Variants in LPA observed in about 807,000 individuals in gnomAD.
LPA encodes apolipoprotein(a).
LPA carries 199 observed loss-of-function variants against 197.9 expected under a neutral mutation model. The ratio of observed to expected loss-of-function variants is 1.01; its 90% CI spans 0.90 to 1.13. The LOEUF is 1.13. LPA is among the 50% of genes most tolerant of loss of function. The pLI is 0.00. For missense variants in LPA, 1,853 were observed against 1,785.8 expected, an observed-to-expected ratio of 1.04 and a Z score of -0.68; for synonymous variants, 715 against 639.5, an observed-to-expected ratio of 1.12 and a Z score of -1.78.
intron 20 of LPA, 122 bp downstream of exon 20, chr6:160,599,377 AC>A: frequency 7.0e-7 from 1 of 1,434,458 alleles, no homozygotes. Context: ...ACTTTTGCTC[AC>A]AGGAAATGTT....
rs557039318 is a variant in LPA, at chr6:160,599,537, G to A, written c.3250C>T (p.His1084Tyr). The change falls in exon 20 of 39, where the codon CAC becomes TAC. Residue 1084 changes from histidine (H) to tyrosine (Y), a missense_variant. His to Tyr is a moderately conservative substitution (Grantham distance 83, BLOSUM62 2). Coordinates refer to ENST00000316300, the MANE Select transcript of LPA (RefSeq NM_005577.4). ...TCQAWSSMTP[H>Y]QHSRTPENYP... is the part of the protein sequence containing the mutation. ...TTTTCTGGGGTCCGACTATGCTGGT[G>A]TGGTGTCATAGATGACCAAGCTTGG... 1.1e-5 allele frequency: 18 copies of A among 1,614,062 alleles called. No homozygotes were observed. The highest frequency in any genetic ancestry group is 1.4e-5 in the Non-Finnish European group (16 of 1,179,974).
intron 30 of LPA, among the ~76,000 whole-genome samples, chr6:160,552,709 G>T (rs1180088550): frequency 6.6e-6 from 1 of 151,844 alleles, no homozygotes; most frequent in Non-Finnish European, 1.5e-5. Flanking sequence ...TTCATATTTT[G>T]GTGTTTAAAG....
At chr6:160,598,228 T>C (rs146139793) in intron 20 of LPA, among the ~76,000 whole-genome samples, 133 of 152,342 alleles carry the variant, frequency 8.7e-4, no homozygotes, top group African/African-American at 3.2e-3. Flanking sequence ...CCATATTTTC[T>C]TGTGGAAAAT....
chr6:160,593,896 G>T (rs1779079222), intron 22 of LPA, 62 bp downstream of exon 22: 1 of 1,572,596 alleles, frequency 6.4e-7, no homozygotes, highest in Non-Finnish European at 8.7e-7. Context: ...TGGAAGCATG[G>T]CCCTTCCAAG....
At position 160,547,793 on chromosome 6, in the gene LPA, T is replaced by A. The variant is rs956096505; in HGVS notation, c.5300A>T (p.Lys1767Ile). 1.2e-6 allele frequency: 2 copies of A among 1,614,042 alleles called. No homozygotes were observed. The highest frequency in any genetic ancestry group is 1.7e-6 in the Non-Finnish European group (2 of 1,180,010). The change falls in exon 32 of 39, where the codon AAA (lysine) becomes ATA (isoleucine). Residue 1767 changes from lysine (K) to isoleucine (I), a missense_variant. Physicochemically the swap from Lys to Ile is moderately radical, Grantham distance 102. Around this residue, in one of 3 missense-constraint regions of LPA, gnomAD observed 1,737 missense variants for 1,504.4 expected, o/e 1.15. Transcript: ENST00000316300. Reference sequence around the variant, plus strand: ...GTCCAAATCAAAGTGGCTTACATTTTTTTCCAGACCTGCCCATTTATTTGT... The same window carrying A: ...GTCCAAATCAAAGTGGCTTACATTTATTTCCAGACCTGCCCATTTATTTGT... ...PGTNKWAGLE[K>I]NYCRNPDGDI...
chr6:160,547,688 G>T (rs188065290), intron 32 of LPA, 101 bp downstream of exon 32: 2 of 1,516,396 alleles, frequency 1.3e-6, no homozygotes, highest in African/African-American at 1.4e-5. Context: ...GGCTAATTAC[G>T]CTTAGCCTCC....
chr6:160,561,392 T>C (rs1171363664), intron 28 of LPA, among the ~76,000 whole-genome samples: 1 of 152,228 alleles, frequency 6.6e-6, no homozygotes, highest in Non-Finnish European at 1.5e-5. Context: ...TGTGGTGTTA[T>C]TTCTGAGGCC....
intron 25 of LPA, among the ~76,000 whole-genome samples, chr6:160,585,868 G>A (rs573268258): frequency 6.6e-6 from 1 of 152,178 alleles, no homozygotes; most frequent in African/African-American, 2.4e-5. Context: ...TGAGAAGCAG[G>A]GATGAGAACA....
In LPA at chr6:160,650,392, C is replaced by T. The variant is rs751841836; in HGVS notation, c.155G>A (p.Trp52Ter). Residue 52 changes from tryptophan to a stop codon, truncating the protein, a stop_gained, in exon 2 of 39, where the codon TGG becomes TAG. Coordinates refer to ENST00000316300, the MANE Select transcript of LPA (RefSeq NM_005577.4). LOFTEE classifies it high-confidence loss of function. ...ATGTTGATGTGGTGTCATAGATGACCAAGCTTGGCAGGTCCTTCCTGTGAC... is the reference window on the plus strand; with the variant it reads ...ATGTTGATGTGGTGTCATAGATGACTAAGCTTGGCAGGTCCTTCCTGTGAC... ...TTVTGRTCQA[W>*]SSMTPHQHNR... 9.9e-6 allele frequency: 16 copies of T among 1,613,888 alleles called. No individual in the cohort carries two copies. In the South Asian group the frequency reaches 1.2e-4, roughly 12 times the overall value.
At chr6:160,574,526 G>C (rs1338849473) in intron 28 of LPA, among the ~76,000 whole-genome samples, 1 of 152,110 alleles carries the variant, frequency 6.6e-6, no homozygotes, top group South Asian at 2.1e-4. Flanking sequence ...TCTCTGTGGT[G>C]CCAGGCAGGA....
intron 16 of LPA, among the ~76,000 whole-genome samples, chr6:160,607,455 C>T (rs183176905): frequency 1.3e-5 from 2 of 152,200 alleles, no homozygotes; most frequent in Admixed American, 6.5e-5. Context: ...CAGTGGGACC[C>T]ATGGCATAAA....
chr6:160,653,347 C>T (rs1175313267), intron 1 of LPA, among the ~76,000 whole-genome samples: 1 of 151,976 alleles, frequency 6.6e-6, no homozygotes, highest in Admixed American at 6.6e-5. Flanking sequence ...CATTAATCCT[C>T]AGTAGTCAAT....
Position 160,595,454 on chromosome 6 carries a change from C to G in LPA, c.3369G>C (p.Trp1123Cys), listed in dbSNP as rs1194300118. The change falls in exon 21 of 39, where the codon TGG becomes TGC. Residue 1123 changes from tryptophan (W) to cysteine (C), a missense_variant. By Grantham distance (215) the Trp-to-Cys change is radical. Coordinates refer to ENST00000316300, the MANE Select transcript of LPA (RefSeq NM_005577.4). ...GGCATTGTGTCAGGTTGCAGTACTCCCACCTGACACTGGGATCCATGGTGT... is the reference window on the plus strand; with the variant it reads ...GGCATTGTGTCAGGTTGCAGTACTCGCACCTGACACTGGGATCCATGGTGT... ...WCYTMDPSVR[W>C]EYCNLTQCLV... 1 of 1,613,592 alleles carries G rather than the reference C, an allele frequency of 6.2e-7. No individual in the cohort carries two copies. The highest frequency in any genetic ancestry group is 1.3e-5 in the African/African-American group (1 of 74,810).
intron 22 of LPA, among the ~76,000 whole-genome samples, chr6:160,591,927 A>G (rs912270579): frequency 1.3e-5 from 2 of 152,196 alleles, no homozygotes; most frequent in South Asian, 4.1e-4. Context: ...GTTTGTTCAT[A>G]GGAACCCCCT....
At position 160,591,100 on chromosome 6, in the gene LPA, C is replaced by T. The variant is rs1562334822; in HGVS notation, c.3631G>A (p.Gly1211Ser). ...TTCCTGCAGTAGTTCCTGGTCAGGC[C>T]ACTGCAAATTACAAAACAATACAGT... ...QRTTEYYPNG[G>S]LTRNYCRNPD... Residue 1211 changes from glycine (G) to serine (S), a missense_variant and splice_region_variant, in exon 23 of 39, where the codon GGC becomes AGC. Gly to Ser is a moderately conservative substitution (Grantham distance 56, BLOSUM62 0). This residue lies in a region of LPA where 1,737 missense variants were observed against 1,504.4 expected (regional missense o/e 1.15). Transcript: ENST00000316300. 6.2e-7 allele frequency: 1 copy of T among 1,613,390 alleles called. No homozygotes were observed. The highest frequency in any genetic ancestry group is 1.7e-4 in the Middle Eastern group (1 of 5,770).
intron 18 of LPA, among the ~76,000 whole-genome samples, chr6:160,601,510 T>C (rs1462820645): frequency 6.6e-6 from 1 of 152,206 alleles, no homozygotes; most frequent in Non-Finnish European, 1.5e-5. Flanking sequence ...TATCTCTCTG[T>C]GTAGGACTTC....
At chr6:160,600,063 A>T (rs1779209189) in intron 19 of LPA, among the ~76,000 whole-genome samples, 1 of 152,142 alleles carries the variant, frequency 6.6e-6, no homozygotes, top group Non-Finnish European at 1.5e-5. Flanking sequence ...TTTGGGGAGG[A>T]GGCAAGGACA....
chr6:160,576,561 A>G (rs1011622938), intron 28 of LPA, among the ~76,000 whole-genome samples: 11 of 145,648 alleles, frequency 7.6e-5, no homozygotes, highest in African/African-American at 2.7e-4. Flanking sequence ...GTGAAACAAT[A>G]TAATTTTTAA....
chr6:160,607,544 G>A (rs1769629945), intron 16 of LPA, among the ~76,000 whole-genome samples: 1 of 152,106 alleles, frequency 6.6e-6, no homozygotes, highest in Non-Finnish European at 1.5e-5. Context: ...GGCAAAGCAG[G>A]TAGGAGTTTG....
Sources: gnomAD v4.1 joint callset for allele counts (sites outside exome capture counted in the v4.1 genomes callset) on GRCh38, gnomAD v4.1.1 for gene constraint, gnomAD v4.1.1 regional missense constraint, MANE v1.5 for transcripts, NCBI Gene and HGNC (gene_info 2026-07-23, HGNC 2026-07-21) for gene names.